The following CSMD1 variants were observed in gnomAD, a reference collection of about 807,000 sequenced individuals.
CSMD1 encodes the protein CUB and sushi domain-containing protein 1.
CSMD1 carries 213 observed loss-of-function variants against 417.5 expected under a neutral mutation model. The ratio of observed to expected loss-of-function variants is 0.51; its 90% CI spans 0.46 to 0.57. The LOEUF (loss-of-function observed/expected upper bound fraction) is 0.57. CSMD1 is among the 20% of genes least tolerant of loss of function. The probability of loss-of-function intolerance (pLI) is 0.00; values close to 1 mark genes in which losing one functional copy is unlikely to be tolerated. For synonymous variants in CSMD1, 2,862 were observed against 1,736.8 expected (o/e 1.65, Z -16.11); for missense variants, 6,923 against 4,529.7 (o/e 1.53, Z -15.17).
intron 26 of CSMD1, among the ~76,000 whole-genome samples, chr8:3,276,212 C>T (rs772982590): frequency 1.3e-5 from 2 of 152,076 alleles, no homozygotes; most frequent in African/African-American, 4.8e-5. Context: ...TCTACCCCTG[C>T]TGGGAGGTGC....
At chr8:4,918,879 C>T (rs1337782645) in intron 1 of CSMD1, among the ~76,000 whole-genome samples, 1 of 152,106 alleles carries the variant, frequency 6.6e-6, no homozygotes, top group Non-Finnish European at 1.5e-5. Context: ...ACCCCTACAA[C>T]ATGTAATTTT....
At chr8:4,575,839 T>A (rs1351485259) in intron 2 of CSMD1, among the ~76,000 whole-genome samples, 2 of 152,176 alleles carry the variant, frequency 1.3e-5, no homozygotes, top group Non-Finnish European at 2.9e-5. Context: ...TTAGACTAGA[T>A]CATCTCAGTC....
At chr8:3,566,287 G>A (rs995874432) in intron 10 of CSMD1, among the ~76,000 whole-genome samples, 2 of 152,078 alleles carry the variant, frequency 1.3e-5, no homozygotes, top group East Asian at 1.9e-4. Context: ...AGAAGGTGGA[G>A]GACTTAGTAT....
chr8:4,149,206 C>A (rs892717036), intron 3 of CSMD1, among the ~76,000 whole-genome samples: 7 of 152,030 alleles, frequency 4.6e-5, no homozygotes, highest in Non-Finnish European at 1.0e-4. Context: ...TCAGGTGATC[C>A]GTCCACCTCG....
At chr8:3,797,722 C>T (rs550636261) in intron 5 of CSMD1, among the ~76,000 whole-genome samples, 2 of 152,056 alleles carry the variant, frequency 1.3e-5, no homozygotes, top group East Asian at 1.9e-4. Flanking sequence ...AGCTGCTATA[C>T]ATATTCTTAT....
At chr8:4,061,153 G>A (rs2911721) in intron 3 of CSMD1, among the ~76,000 whole-genome samples, 1 of 151,932 alleles carries the variant, frequency 6.6e-6, no homozygotes, top group Non-Finnish European at 1.5e-5. Flanking sequence ...CCCCATCCTT[G>A]CCCCTTACGA....
intron 1 of CSMD1, among the ~76,000 whole-genome samples, chr8:4,784,582 T>A (rs1165247105): frequency 2.6e-5 from 4 of 152,254 alleles, no homozygotes; most frequent in Non-Finnish European, 4.4e-5. Flanking sequence ...GTTTCCTTTA[T>A]AATTATTTCA....
At chr8:4,430,853 C>T (rs995527149) in intron 2 of CSMD1, among the ~76,000 whole-genome samples, 3 of 152,092 alleles carry the variant, frequency 2.0e-5, no homozygotes, top group African/African-American at 7.2e-5. Flanking sequence ...AGTGTTGTCC[C>T]CTCCACTCTT....
intron 54 of CSMD1, among the ~76,000 whole-genome samples, 160 bp from the exon 55 acceptor site, chr8:2,978,960 G>A (rs1302952929): frequency 1.3e-5 from 2 of 152,154 alleles, no homozygotes; most frequent in Non-Finnish European, 2.9e-5. Context: ...TGAATTCTCC[G>A]CTTTGGACCA....
chr8:3,910,015 G>A (rs1047602043), intron 5 of CSMD1, among the ~76,000 whole-genome samples: 4 of 152,002 alleles, frequency 2.6e-5, no homozygotes, highest in East Asian at 3.9e-4. Flanking sequence ...TATAAATAAA[G>A]GTAAATAATT....
intron 2 of CSMD1, among the ~76,000 whole-genome samples, chr8:4,454,952 G>A (rs866641509): frequency 1.1e-4 from 16 of 152,112 alleles, no homozygotes; most frequent in African/African-American, 2.4e-4. Context: ...GCTTCTGTAC[G>A]TTGTTTCTTC....
chr8:4,196,110 C>A (rs1008728677), intron 3 of CSMD1, among the ~76,000 whole-genome samples: 2 of 152,102 alleles, frequency 1.3e-5, no homozygotes, highest in African/African-American at 4.8e-5. Context: ...GCTGGGGAGA[C>A]TGAGGCAGGA....
intron 5 of CSMD1, among the ~76,000 whole-genome samples, chr8:3,891,954 G>A (rs1807000007): frequency 6.6e-6 from 1 of 152,044 alleles, no homozygotes; most frequent in South Asian, 2.1e-4. Context: ...ACATTTTCCA[G>A]CGTCCAAAAG....
At position 3,462,122 on chromosome 8, in the gene CSMD1, GCC is replaced by G. The variant is rs11292179; in HGVS notation, c.1561+6588_1561+6589del. Among the ~76,000 whole-genome samples the G allele has an allele frequency of 8.0e-3, 1,194 of 149,474 alleles. 15 individuals are homozygous for G. Among genetic ancestry groups the G allele is most frequent in the African/African-American group, 0.026 (1,052 of 40,758 alleles). ...TTTGGGTGCTCTCTTCAGAATCCAG[GCC>G]CCCCCCCCCACCTCCCAGCTGCTCG... On this transcript the variant is annotated intron_variant, in intron 12 of 69. Coordinates refer to ENST00000635120, the MANE Select transcript of CSMD1 (RefSeq NM_033225.6).
At chr8:3,251,427 C>G (rs1404516541) in intron 26 of CSMD1, among the ~76,000 whole-genome samples, 1 of 152,128 alleles carries the variant, frequency 6.6e-6, no homozygotes, top group Non-Finnish European at 1.5e-5. Flanking sequence ...GTCTATATCT[C>G]TGTTTTGGTA....
chr8:4,926,175 C>A (rs117735494), intron 1 of CSMD1, among the ~76,000 whole-genome samples: 1 of 152,136 alleles, frequency 6.6e-6, no homozygotes, highest in Non-Finnish European at 1.5e-5. Context: ...CCAAGCCTAT[C>A]AAGTCTGAAA....
At chr8:3,767,416 G>C (rs1798336769) in intron 5 of CSMD1, among the ~76,000 whole-genome samples, 1 of 152,130 alleles carries the variant, frequency 6.6e-6, no homozygotes, top group Non-Finnish European at 1.5e-5. Flanking sequence ...CCTCAGAATT[G>C]TTCATTGTGT....
chr8:3,014,323 C>A (rs943642579), intron 52 of CSMD1, among the ~76,000 whole-genome samples: 6 of 152,136 alleles, frequency 3.9e-5, no homozygotes, highest in Non-Finnish European at 5.9e-5. Context: ...AAATACATTT[C>A]CAAAGTTACT....
At chr8:4,234,368 G>A (rs1468951393) in intron 3 of CSMD1, among the ~76,000 whole-genome samples, 1 of 152,010 alleles carries the variant, frequency 6.6e-6, no homozygotes, top group African/African-American at 2.4e-5. Context: ...CTGCAGGAGT[G>A]GAAGATGTGT....
Sources: gnomAD v4.1 joint callset for allele counts (sites outside exome capture counted in the v4.1 genomes callset) on GRCh38, gnomAD v4.1.1 for gene constraint, MANE v1.5 for transcripts, NCBI Gene and HGNC (gene_info 2026-07-23, HGNC 2026-07-21) for gene names.